Variants in MLIP observed in about 807,000 individuals in gnomAD.
MLIP encodes muscular LMNA-interacting protein.
A neutral mutation model predicts 84.8 loss-of-function variants in MLIP; 79 were observed. The ratio of observed to expected loss-of-function variants is 0.93; its 90% CI spans 0.78 to 1.12. The LOEUF is 1.12. Among genes scored for constraint, MLIP ranks in the 50% most tolerant of loss-of-function variants. The probability of loss-of-function intolerance (pLI) is 0.00; values close to 1 mark genes in which losing one functional copy is unlikely to be tolerated. For synonymous variants in MLIP, 504 were observed against 463.0 expected (o/e 1.09, Z -1.14); for missense variants, 1,257 against 1,160.6 (o/e 1.08, Z -1.21).
rs550580739 is a variant in MLIP, at chr6:54,174,685, C to A, written c.2544+5113C>A. On this transcript the variant is annotated intron_variant, in intron 9 of 13. Coordinates refer to ENST00000502396, the MANE Select transcript of MLIP (RefSeq NM_001281747.2). ...TGGGTAGTTTGCAAATATTTTTTCCCATTCTGTGGATTATCCCTTCACTTT... is the reference window on the plus strand; with the variant it reads ...TGGGTAGTTTGCAAATATTTTTTCCAATTCTGTGGATTATCCCTTCACTTT... Among the ~76,000 whole-genome samples, 3 of 151,994 alleles carry A rather than the reference C, an allele frequency of 2.0e-5. No individual in the cohort carries two copies. In the South Asian group the frequency reaches 6.2e-4, roughly 32 times the overall value.
chr6:54,026,525 A>T (rs1255772701), intron 1 of MLIP, among the ~76,000 whole-genome samples: 1 of 152,208 alleles, frequency 6.6e-6, no homozygotes, highest in Non-Finnish European at 1.5e-5. Flanking sequence ...TTAAAAAGAG[A>T]GAGGAAAGGA....
At chr6:54,136,418 A>G (rs371232138) in intron 3 of MLIP, among the ~76,000 whole-genome samples, 2 of 152,218 alleles carry the variant, frequency 1.3e-5, no homozygotes, top group African/African-American at 4.8e-5. Context: ...CAAAATTAAG[A>G]TAACTATTTT....
At chr6:54,031,092 G>A (rs1764105788) in intron 1 of MLIP, among the ~76,000 whole-genome samples, 1 of 152,066 alleles carries the variant, frequency 6.6e-6, no homozygotes, top group Non-Finnish European at 1.5e-5. Context: ...GTAAATCAGT[G>A]AATATATTTG....
chr6:54,104,979 C>G (rs1768907114), intron 1 of MLIP, among the ~76,000 whole-genome samples: 1 of 152,146 alleles, frequency 6.6e-6, no homozygotes, highest in Non-Finnish European at 1.5e-5. Context: ...ACCACAAAAA[C>G]CCTTGCTCAC....
At chr6:54,031,050 A>G (rs1298153557) in intron 1 of MLIP, among the ~76,000 whole-genome samples, 1 of 152,194 alleles carries the variant, frequency 6.6e-6, no homozygotes. Context: ...TGCTTCTTTT[A>G]TAGATCATGC....
At chr6:54,095,019 T>G (rs1768114669) in intron 1 of MLIP, among the ~76,000 whole-genome samples, 1 of 152,192 alleles carries the variant, frequency 6.6e-6, no homozygotes, top group Non-Finnish European at 1.5e-5. Context: ...GGGTGATTTT[T>G]CTGTAGATTG....
At chr6:54,072,445 A>G (rs959069988) in intron 1 of MLIP, among the ~76,000 whole-genome samples, 1 of 152,124 alleles carries the variant, frequency 6.6e-6, no homozygotes, top group African/African-American at 2.4e-5. Context: ...CAGTGGGCAT[A>G]CAAACCTGTT....
intron 12 of MLIP, among the ~76,000 whole-genome samples, chr6:54,248,649 C>G (rs1027944426): frequency 6.6e-6 from 1 of 152,116 alleles, no homozygotes. Context: ...AGAAGAAATT[C>G]TAACATGCCT....
chr6:54,230,678 C>T (rs911829543), intron 11 of MLIP, 36 bp from the exon 12 acceptor site: 1 of 1,600,440 alleles, frequency 6.2e-7, no homozygotes, highest in Non-Finnish European at 8.6e-7. Context: ...CTTTTTTATG[C>T]TAACATCCTC....
Position 54,247,833 on chromosome 6 carries a change from G to T in MLIP, c.2923-9475G>T, listed in dbSNP as rs376667937. Among the ~76,000 whole-genome samples, 54 of 152,236 alleles carry T rather than the reference G, an allele frequency of 3.5e-4. 1 individual carries two copies. Among genetic ancestry groups the T allele is most frequent in the Admixed American group, 1.3e-3 (20 of 15,272 alleles). ...TGATGCTCTTGGGGGTGTACTGCTA[G>T]AGGAGAGTGGAATGGGATCTGGTAC... On this transcript the variant is annotated intron_variant, in intron 12 of 13. Transcript: ENST00000502396.
chr6:54,248,261 GA>G (rs1782224419), intron 12 of MLIP, among the ~76,000 whole-genome samples: 1 of 152,070 alleles, frequency 6.6e-6, no homozygotes, highest in Non-Finnish European at 1.5e-5. Context: ...GTATGATATT[GA>G]AAACAATTGA....
chr6:54,081,576 AT>A (rs961098749), intron 1 of MLIP, among the ~76,000 whole-genome samples: 3 of 151,466 alleles, frequency 2.0e-5, no homozygotes, highest in Non-Finnish European at 2.9e-5. Flanking sequence ...GCCCAGCTAA[AT>A]TTTTTTTGTA....
chr6:54,196,898 C>A (rs780290177), intron 10 of MLIP, among the ~76,000 whole-genome samples: 68 of 152,034 alleles, frequency 4.5e-4, no homozygotes, highest in Non-Finnish European at 6.8e-4. Flanking sequence ...GTGGAGATTG[C>A]TATTTTATAT....
chr6:54,104,884 G>A (rs191864423), intron 1 of MLIP, among the ~76,000 whole-genome samples: 1 of 151,958 alleles, frequency 6.6e-6, no homozygotes, highest in Non-Finnish European at 1.5e-5. Flanking sequence ...GGAAACCACG[G>A]GCTAAACACA....
intron 9 of MLIP, among the ~76,000 whole-genome samples, chr6:54,172,051 T>TAGTATAGTATAGTATA (rs1775823935): frequency 1.3e-5 from 2 of 151,478 alleles, no homozygotes; most frequent in African/African-American, 2.4e-5. Flanking sequence ...CAGAGAAGGT[T>TAGTATAGTATAGTATA]GAATAAAGGG....
At chr6:54,202,035 A>G in intron 10 of MLIP, 70 bp from the exon 11 acceptor site, 1 of 1,145,910 alleles carries the variant, frequency 8.7e-7, no homozygotes, top group Non-Finnish European at 1.2e-6. Context: ...TGACTTAACA[A>G]TAAACATATT....
chr6:54,091,541 G>T (rs1767874178), intron 1 of MLIP, among the ~76,000 whole-genome samples: 1 of 152,144 alleles, frequency 6.6e-6, no homozygotes, highest in African/African-American at 2.4e-5. Flanking sequence ...GACTGACTTA[G>T]TCTTGCCTAT....
At chr6:54,203,360 A>G (rs1778821050) in intron 11 of MLIP, among the ~76,000 whole-genome samples, 1 of 152,134 alleles carries the variant, frequency 6.6e-6, no homozygotes, top group Admixed American at 6.5e-5. Flanking sequence ...ATGTAAGATC[A>G]TCATATTTTA....
At chr6:54,055,044 C>T (rs903148909) in intron 1 of MLIP, among the ~76,000 whole-genome samples, 2 of 152,070 alleles carry the variant, frequency 1.3e-5, no homozygotes, top group African/African-American at 2.4e-5. Flanking sequence ...CCCGCCACCA[C>T]GCCCAGCTAT....
Sources: gnomAD v4.1 joint callset for allele counts (sites outside exome capture counted in the v4.1 genomes callset) on GRCh38, gnomAD v4.1.1 for gene constraint, MANE v1.5 for transcripts, NCBI Gene and HGNC (gene_info 2026-07-23, HGNC 2026-07-21) for gene names.